The following SLCO1B1 variants were observed in gnomAD, a reference collection of about 807,000 sequenced individuals.
SLCO1B1 encodes the protein solute carrier organic anion transporter family member 1B1, also known as OATP-2.
Under a neutral mutation model 70.1 loss-of-function variants are expected in SLCO1B1, and 81 were observed. That is an observed-to-expected ratio of 1.16 (90% CI 0.97 to 1.39). The LOEUF (loss-of-function observed/expected upper bound fraction) is 1.39, where lower values mean the gene tolerates loss of function less well. SLCO1B1 is among the 40% of genes most tolerant of loss of function. The probability of loss-of-function intolerance (pLI) is 0.00; values close to 1 mark genes in which losing one functional copy is unlikely to be tolerated. For missense variants in SLCO1B1, 895 were observed against 799.6 expected (o/e 1.12, Z -1.44); for synonymous variants, 283 against 271.5 (o/e 1.04, Z -0.42).
chr12:21,232,741 A>AGAGACAG (rs1555098589), intron 14 of SLCO1B1, among the ~76,000 whole-genome samples: 18 of 108,010 alleles, frequency 1.7e-4, no homozygotes, highest in Non-Finnish European at 3.2e-4. Flanking sequence ...GAGACAGAGA[A>AGAGACAG]AGACAGAGAC....
intron 2 of SLCO1B1, among the ~76,000 whole-genome samples, chr12:21,146,964 A>T (rs182136678): frequency 6.6e-6 from 1 of 152,134 alleles, no homozygotes; most frequent in Non-Finnish European, 1.5e-5. Context: ...GTTAAGGTCA[A>T]TCATGTTCTT....
intron 7 of SLCO1B1, 89 bp from the exon 8 acceptor site, chr12:21,196,857 T>G: frequency 7.6e-7 from 1 of 1,309,434 alleles, no homozygotes; most frequent in Non-Finnish European, 1.1e-6. Context: ...ATTGAGGAAA[T>G]GTAGTTTACT....
Position 21,215,609 on chromosome 12 carries a change from A to G in SLCO1B1, c.1498-1510A>G, listed in dbSNP as rs146215585. On this transcript the variant is annotated intron_variant, in intron 11 of 14. Coordinates refer to ENST00000256958, the MANE Select transcript of SLCO1B1 (RefSeq NM_006446.5). ...TTTTGTTGAGGAATTTTGCACCTAT[A>G]TGCATCTATATTCATCTATATTCAC... Among the ~76,000 whole-genome samples the G allele has an allele frequency of 9.4e-4, 143 of 152,152 alleles. No homozygotes were observed. In the Middle Eastern group the frequency reaches 0.01, roughly 11 times the overall value.
chr12:21,191,333 C>T (rs557205235), intron 7 of SLCO1B1, among the ~76,000 whole-genome samples: 228 of 152,038 alleles, frequency 1.5e-3, no homozygotes, highest in African/African-American at 4.9e-3. Context: ...ATTTCATGCA[C>T]AAGTCTTTCA....
At chr12:21,133,208 C>A (rs1469786736) in intron 1 of SLCO1B1, among the ~76,000 whole-genome samples, 1 of 152,038 alleles carries the variant, frequency 6.6e-6, no homozygotes, top group Non-Finnish European at 1.5e-5. Flanking sequence ...GTTTTGGTAC[C>A]AGTACCATGC....
chr12:21,170,338 A>G (rs11045816), intron 2 of SLCO1B1, among the ~76,000 whole-genome samples: 16,930 of 152,238 alleles, frequency 0.11, 1,249 homozygotes, highest in Non-Finnish European at 0.16. Context: ...GCCTGGAGGT[A>G]CAGAAACCTT....
rs200331427 is a variant in SLCO1B1, at chr12:21,178,653, C to G, written c.559C>G (p.Pro187Ala). The change falls in exon 6 of 15, where the codon CCC becomes GCC. Residue 187 changes from proline to alanine, a missense_variant. Coordinates refer to ENST00000256958, the MANE Select transcript of SLCO1B1 (RefSeq NM_006446.5). ...TATGCTTCGTGGAATAGGGGAGACT[C>G]CCATAGTACCATTGGGGCTTTCTTA... ...GNMLRGIGETPIVPLGLSYID... is the reference protein window; with the variant it reads ...GNMLRGIGETAIVPLGLSYID... 6.2e-7 allele frequency: 1 copy of G among 1,605,832 alleles called. No homozygotes were observed. Among genetic ancestry groups the G allele is most frequent in the African/African-American group, 1.3e-5 (1 of 74,860 alleles).
chr12:21,136,829 C>T (rs542842542), intron 1 of SLCO1B1, among the ~76,000 whole-genome samples: 15 of 152,218 alleles, frequency 9.9e-5, no homozygotes, highest in African/African-American at 3.6e-4. Flanking sequence ...CTTCTCTCAA[C>T]TTGTCAAAGT....
At chr12:21,194,883 T>C (rs1941073334) in intron 7 of SLCO1B1, among the ~76,000 whole-genome samples, 1 of 152,230 alleles carries the variant, frequency 6.6e-6, no homozygotes, top group Admixed American at 6.5e-5. Context: ...AAGGAGCTTT[T>C]ACTCCTGGCA....
In SLCO1B1 at chr12:21,225,840, A is replaced by G. The variant is rs545492306; in HGVS notation, c.1865+1001A>G. On this transcript the variant is annotated intron_variant, in intron 14 of 14. Transcript: ENST00000256958. Reference sequence around the variant, plus strand: ...CAGCCATGGTAGAAGACAGTCTGGAAGTTTCTTACAAAGAAAAACACAGGC... The same window carrying G: ...CAGCCATGGTAGAAGACAGTCTGGAGGTTTCTTACAAAGAAAAACACAGGC... 1.4e-4 allele frequency among the ~76,000 whole-genome samples: 21 copies of G among 152,324 alleles called. No homozygotes were observed. In the South Asian group the frequency reaches 4.3e-3, roughly 32 times the overall value.
chr12:21,141,235 T>A (rs1255880201), intron 1 of SLCO1B1, among the ~76,000 whole-genome samples: 1 of 151,384 alleles, frequency 6.6e-6, no homozygotes, highest in East Asian at 1.9e-4. Flanking sequence ...TTTAAAATGT[T>A]CATGTAATCT....
At chr12:21,163,629 G>GT (rs759037090) in intron 2 of SLCO1B1, among the ~76,000 whole-genome samples, 2 of 152,174 alleles carry the variant, frequency 1.3e-5, no homozygotes, top group African/African-American at 2.4e-5. Context: ...CAGGGTGCCA[G>GT]TATGGTTAGC....
chr12:21,131,402 T>C (rs939832388), intron 1 of SLCO1B1, among the ~76,000 whole-genome samples, 166 bp downstream of exon 1: 2 of 151,960 alleles, frequency 1.3e-5, no homozygotes, highest in Admixed American at 6.6e-5. Context: ...CTTCTGGGAG[T>C]AGAAGAGCCT....
intron 11 of SLCO1B1, among the ~76,000 whole-genome samples, chr12:21,212,203 T>A (rs201210393): frequency 0.051 from 4,793 of 94,086 alleles, 92 homozygotes; most frequent in East Asian, 0.18. Context: ...GGGCATTTAG[T>A]GCTATAAATT....
chr12:21,171,526 T>G (rs1463182052), intron 2 of SLCO1B1, among the ~76,000 whole-genome samples: 1 of 152,152 alleles, frequency 6.6e-6, no homozygotes, highest in Non-Finnish European at 1.5e-5. Flanking sequence ...GCTACTTTGT[T>G]GAGAAGAGAC....
At chr12:21,181,168 G>A (rs1396166511) in intron 7 of SLCO1B1, among the ~76,000 whole-genome samples, 1 of 152,188 alleles carries the variant, frequency 6.6e-6, no homozygotes, top group African/African-American at 2.4e-5. Flanking sequence ...TTTAGGCCCT[G>A]CATTGGCAAG....
At chr12:21,181,481 C>T (rs546698417) in intron 7 of SLCO1B1, among the ~76,000 whole-genome samples, 27 of 152,192 alleles carry the variant, frequency 1.8e-4, no homozygotes, top group African/African-American at 6.3e-4. Flanking sequence ...CAAATTTAAA[C>T]CCAGATCTGT....
intron 7 of SLCO1B1, among the ~76,000 whole-genome samples, chr12:21,179,822 A>C (rs954816978): frequency 6.6e-6 from 1 of 152,016 alleles, no homozygotes; most frequent in Non-Finnish European, 1.5e-5. Context: ...AAACACACCC[A>C]AGTATTTCCC....
chr12:21,220,354 G>A (rs1179406890), intron 12 of SLCO1B1, among the ~76,000 whole-genome samples: 15 of 152,128 alleles, frequency 9.9e-5, no homozygotes, highest in Non-Finnish European at 1.6e-4. Flanking sequence ...AGTCAGCAAC[G>A]TACAGATGGT....
Sources: gnomAD v4.1 joint callset for allele counts (sites outside exome capture counted in the v4.1 genomes callset) on GRCh38, gnomAD v4.1.1 for gene constraint, MANE v1.5 for transcripts, NCBI Gene and HGNC (gene_info 2026-07-23, HGNC 2026-07-21) for gene names.